MACF1: variants seen among roughly 807,000 people sequenced by gnomAD.
The protein encoded by MACF1 is microtubule-actin cross-linking factor 1.
A neutral mutation model predicts 854.8 loss-of-function variants in MACF1; 193 were observed. The observed-to-expected ratio is 0.23, with a 90% CI of 0.20 to 0.25. The LOEUF is 0.25. MACF1 is among the 10% of genes least tolerant of loss of function. The pLI is 1.00. For missense variants in MACF1, 7,722 were observed against 8,929.1 expected (o/e 0.86, Z 5.45); for synonymous variants, 3,185 against 3,226.7 (o/e 0.99, Z 0.44).
At chr1:39,197,126 A>G (rs1278106437) in intron 2 of MACF1, among the ~76,000 whole-genome samples, 4 of 152,162 alleles carry the variant, frequency 2.6e-5, no homozygotes, top group Admixed American at 1.3e-4. Flanking sequence ...CCTGTAAATG[A>G]CAGCACACAG....
chr1:39,209,219 T>TA lies in MACF1; in HGVS notation c.109+4102dup, dbSNP rs111250963. ...TGGGCAACAAGAGTGAAACTCCATC[T>TA]AAAAAAAAAAAAAATCAGTAAATAT... is the stretch of plus-strand genomic sequence containing the variant. On this transcript the variant is annotated intron_variant, in intron 1 of 100. Coordinates refer to ENST00000564288, the MANE Select transcript of MACF1 (RefSeq NM_001394062.1). 9.4e-3 allele frequency among the ~76,000 whole-genome samples: 1,311 copies of TA among 140,120 alleles called. 10 individuals are homozygous for TA. The highest frequency in any genetic ancestry group is 0.019 in the Middle Eastern group (5 of 270). The allele number at this position is 140,120 out of a possible 152,430, so 91.9% of individuals were successfully genotyped here. A position where few individuals can be genotyped will look rare whatever the true frequency, so the allele number is the denominator to read the frequency against.
chr1:39,145,501 T>G (rs1643443494), intron 2 of MACF1, among the ~76,000 whole-genome samples: 1 of 150,464 alleles, frequency 6.6e-6, no homozygotes, highest in Non-Finnish European at 1.5e-5. Flanking sequence ...TATCTCTTCT[T>G]CAGACTAACT....
chr1:39,452,429 C>T, intron 86 of MACF1, 79 bp downstream of exon 86: 1 of 1,405,434 alleles, frequency 7.1e-7, no homozygotes, highest in East Asian at 2.3e-5. Context: ...AGAATCTGTT[C>T]CAGTCAGTCT....
intron 66 of MACF1, among the ~76,000 whole-genome samples, 174 bp downstream of exon 66, chr1:39,431,082 A>G (rs1643869465): frequency 6.6e-6 from 1 of 152,202 alleles, no homozygotes; most frequent in South Asian, 2.1e-4. Context: ...GTGAGGATGG[A>G]TCCAGAATTT....
chr1:39,110,230 C>CTTTTTTTTT (rs5773651), intron 2 of MACF1, among the ~76,000 whole-genome samples: 7 of 84,562 alleles, frequency 8.3e-5, no homozygotes, highest in South Asian at 4.3e-4. Context: ...GGATGTTGTT[C>CTTTTTTTTT]TTTTTTTTTT....
chr1:39,200,217 C>T (rs868553475), upstream of MACF1, among the ~76,000 whole-genome samples: 1 of 152,188 alleles, frequency 6.6e-6, no homozygotes, highest in African/African-American at 2.4e-5. Context: ...AACGCTTTCA[C>T]CTGGCTTCTG....
intron 100 of MACF1, chr1:39,485,217 C>T: frequency 2.9e-6 from 1 of 348,902 alleles, no homozygotes; most frequent in Admixed American, 4.6e-5. Flanking sequence ...ATCCATCCTG[C>T]CCATGGATTA....
chr1:39,445,012 T>G (rs617577), intron 80 of MACF1, among the ~76,000 whole-genome samples, 177 bp downstream of exon 80: 2 of 152,084 alleles, frequency 1.3e-5, no homozygotes, highest in Non-Finnish European at 2.9e-5. Flanking sequence ...TTATTTGCTT[T>G]TATAATTATT....
At chr1:39,100,126 C>T (rs1311037648) in intron 2 of MACF1, among the ~76,000 whole-genome samples, 1 of 152,004 alleles carries the variant, frequency 6.6e-6, no homozygotes, top group East Asian at 1.9e-4. Context: ...AATTGGTGGG[C>T]GCACTGAGGC....
intron 2 of MACF1, among the ~76,000 whole-genome samples, chr1:39,118,111 C>T (rs1642593686): frequency 1.3e-5 from 2 of 152,254 alleles, no homozygotes; most frequent in East Asian, 1.9e-4. Flanking sequence ...TGGGAGGCTC[C>T]AGTTTCCAGC....
intron 58 of MACF1, chr1:39,411,116 C>T (rs1158324296): frequency 6.2e-7 from 1 of 1,613,652 alleles, no homozygotes; most frequent in South Asian, 1.1e-5. Context: ...ACAGCCTGCA[C>T]TGTGGAAATG....
At position 39,283,997 on chromosome 1, in the gene MACF1, A is replaced by G; in HGVS notation, c.916-69A>G. 1 of 1,566,874 alleles carries G rather than the reference A, an allele frequency of 6.4e-7. No homozygotes were observed. Among genetic ancestry groups the G allele is most frequent in the South Asian group, 1.2e-5 (1 of 86,146 alleles). On this transcript the variant is annotated intron_variant, in intron 9 of 100. Transcript: ENST00000564288. The surrounding 1 kb of genome is among the most constrained non-coding windows in gnomAD (Gnocchi z 4.5). ...ATTTTATATAGTTTGGAGTGGCCTG[A>G]GCTACTTTCTCTTGTGCTTGTTTTG... is the stretch of plus-strand genomic sequence containing the variant.
intron 30 of MACF1, 23 bp downstream of exon 30, chr1:39,318,638 C>A: frequency 2.6e-6 from 4 of 1,546,720 alleles, no homozygotes; most frequent in South Asian, 1.2e-5. Flanking sequence ...GTAGCTCTGG[C>A]GAGAAGAGTT....
At chr1:39,397,236 C>T (rs781181855) in intron 58 of MACF1, among the ~76,000 whole-genome samples, 1 of 152,016 alleles carries the variant, frequency 6.6e-6, no homozygotes, top group Non-Finnish European at 1.5e-5. Flanking sequence ...CATCATAACT[C>T]GAAACTATTG....
intron 2 of MACF1, among the ~76,000 whole-genome samples, chr1:39,243,645 T>C (rs1404637898): frequency 6.6e-6 from 1 of 152,182 alleles, no homozygotes; most frequent in African/African-American, 2.4e-5. Context: ...TCAAGTAATC[T>C]TCCTGTCTTG....
chr1:39,364,341 TAA>T (rs747549124), intron 49 of MACF1, among the ~76,000 whole-genome samples: 24 of 151,530 alleles, frequency 1.6e-4, no homozygotes, highest in Non-Finnish European at 3.1e-4. Context: ...CATTTTTTGG[TAA>T]AGATTTTTGG....
At chr1:39,447,352 C>A in intron 80 of MACF1, 80 bp from the exon 81 acceptor site, 2 of 1,336,620 alleles carry the variant, frequency 1.5e-6, no homozygotes, top group South Asian at 1.3e-5. Flanking sequence ...TTGTACAATT[C>A]ATGCCTTTGT....
At chr1:39,432,412 T>C in intron 66 of MACF1, 123 bp from the exon 67 acceptor site, 1 of 739,018 alleles carries the variant, frequency 1.4e-6, no homozygotes, top group Non-Finnish European at 2.1e-6. Context: ...CAGTTTTGAC[T>C]CTACTTTGTG....
chr1:39,276,023 G>T (rs1645430382), intron 6 of MACF1, among the ~76,000 whole-genome samples: 1 of 151,698 alleles, frequency 6.6e-6, no homozygotes, highest in Non-Finnish European at 1.5e-5. Flanking sequence ...GGGCTTAAAC[G>T]ATCCTCGTGC....
Sources: allele counts gnomAD v4.1 joint callset (sites outside exome capture counted in the v4.1 genomes callset), GRCh38; gene constraint gnomAD v4.1.1; non-coding constraint Gnocchi (gnomAD v3.1); transcripts MANE v1.5; gene names NCBI Gene and HGNC (gene_info 2026-07-23, HGNC 2026-07-21).